Variants in PCDH11X observed in about 807,000 individuals in gnomAD.
PCDH11X encodes the protein protocadherin-11 X-linked.
In PCDH11X, 18 loss-of-function variants were observed where a neutral mutation model predicts 53.3. The ratio of observed to expected loss-of-function variants is 0.34; its 90% CI spans 0.23 to 0.50. PCDH11X has a LOEUF of 0.50. Ranked by LOEUF, PCDH11X falls within the 20% of genes least tolerant of loss-of-function variation. The pLI is 0.98. For missense variants in PCDH11X, 570 were observed against 1,032.4 expected (o/e 0.55, Z 6.14); for synonymous variants, 279 against 393.3 (o/e 0.71, Z 3.44).
chrX:92,262,298 A>G lies in PCDH11X; in HGVS notation c.3115-816A>G, dbSNP rs1382689757. Among the ~76,000 whole-genome samples the G allele has an allele frequency of 2.7e-5, 3 of 111,699 alleles. No homozygotes were observed. The East Asian group carries it at 8.4e-4, about 31-fold the overall frequency. On this transcript the variant is annotated intron_variant, in intron 7 of 10. Coordinates refer to ENST00000682573, the MANE Select transcript of PCDH11X (RefSeq NM_032968.5). ...GGAACTTTTGCATAACTGTAAAAAG[A>G]ACAGGGAATTAAGATAAAGATTGCG...
intron 9 of PCDH11X, among the ~76,000 whole-genome samples, chrX:92,436,214 T>C (rs2148629987): frequency 9.3e-6 from 1 of 107,124 alleles, no homozygotes; most frequent in East Asian, 2.9e-4. Context: ...CCAGCAGGCA[T>C]ATGAAAAAAA....
chrX:92,598,447 G>A (rs1197640392), intron 10 of PCDH11X, among the ~76,000 whole-genome samples: 1 of 109,996 alleles, frequency 9.1e-6, no homozygotes, highest in Non-Finnish European at 1.9e-5. Context: ...GCATATGAAA[G>A]TGTGCACAAT....
At chrX:92,007,404 A>G (rs185409563) in intron 6 of PCDH11X, among the ~76,000 whole-genome samples, 1,216 of 111,747 alleles carry the variant, frequency 0.011, 13 homozygotes, top group Non-Finnish European at 0.016. Context: ...TCAGGCCATG[A>G]GGTATACTGC....
At chrX:92,473,017 G>C (rs1231646976) in intron 10 of PCDH11X, among the ~76,000 whole-genome samples, 2 of 106,217 alleles carry the variant, frequency 1.9e-5, no homozygotes, top group African/African-American at 6.9e-5. Flanking sequence ...AAGCTTCGGG[G>C]CTGAAAAAAT....
chrX:92,601,905 C>A (rs2750676), intron 10 of PCDH11X, among the ~76,000 whole-genome samples: 1 of 111,662 alleles, frequency 9.0e-6, no homozygotes, highest in African/African-American at 3.3e-5. Context: ...GGATTTCTAA[C>A]TTCTAACAGG....
chrX:92,528,356 A>G (rs1423315875), intron 10 of PCDH11X, among the ~76,000 whole-genome samples: 1 of 111,736 alleles, frequency 8.9e-6, no homozygotes, highest in Non-Finnish European at 1.9e-5. Flanking sequence ...GCAATGGCGC[A>G]ATTTTGGCTT....
intron 10 of PCDH11X, among the ~76,000 whole-genome samples, chrX:92,520,728 A>G (rs2074358059): frequency 9.0e-6 from 1 of 111,058 alleles, no homozygotes; most frequent in African/African-American, 3.3e-5. Flanking sequence ...TACCCATTGT[A>G]GAACTTCATT....
chrX:91,887,331 A>C, intron 6 of PCDH11X, among the ~76,000 whole-genome samples: 1 of 111,219 alleles, frequency 9.0e-6, no homozygotes, highest in Non-Finnish European at 1.9e-5. Flanking sequence ...TGTTTATTTT[A>C]AATATGACTT....
At chrX:92,099,760 C>A (rs755458028) in intron 6 of PCDH11X, among the ~76,000 whole-genome samples, 1 of 111,357 alleles carries the variant, frequency 9.0e-6, no homozygotes, top group Non-Finnish European at 1.9e-5. Flanking sequence ...GCTATGTATC[C>A]TGCTGTCATT....
chrX:91,814,185 T>A (rs938950006), intron 4 of PCDH11X, among the ~76,000 whole-genome samples: 3 of 110,532 alleles, frequency 2.7e-5, no homozygotes, highest in Admixed American at 9.7e-5. Flanking sequence ...TAATTTATAC[T>A]TGTTCTTTAA....
intron 6 of PCDH11X, among the ~76,000 whole-genome samples, chrX:92,097,835 A>G (rs1473292689): frequency 1.8e-5 from 2 of 111,194 alleles, no homozygotes; most frequent in Admixed American, 9.7e-5. Flanking sequence ...TAGTATTTAC[A>G]TATAGTCTAC....
At chrX:91,946,558 CATATAT>C (rs766671132) in intron 6 of PCDH11X, among the ~76,000 whole-genome samples, 545 of 31,608 alleles carry the variant, frequency 0.017, 12 homozygotes, top group African/African-American at 0.029. Context: ...CTGTTTCCCT[CATATAT>C]ATATATATAT....
At chrX:92,038,214 C>A (rs894293242) in intron 6 of PCDH11X, among the ~76,000 whole-genome samples, 2 of 110,644 alleles carry the variant, frequency 1.8e-5, no homozygotes, top group African/African-American at 6.6e-5. Context: ...CAATGTTAAT[C>A]CCCAAGACAA....
At chrX:91,938,074 AT>A (rs202237580) in intron 6 of PCDH11X, among the ~76,000 whole-genome samples, 1,596 of 111,174 alleles carry the variant, frequency 0.014, 38 homozygotes, top group African/African-American at 0.05. Flanking sequence ...GGTAATAGCC[AT>A]GAATAAATAT....
intron 5 of PCDH11X, among the ~76,000 whole-genome samples, chrX:91,838,142 GCTT>G (rs1337296076): frequency 9.0e-6 from 1 of 111,707 alleles, no homozygotes; most frequent in Non-Finnish European, 1.9e-5. Flanking sequence ...CCTTAGGGCA[GCTT>G]AATGAACTTC....
intron 6 of PCDH11X, among the ~76,000 whole-genome samples, chrX:91,932,702 G>A (rs1168969829): frequency 4.2e-5 from 4 of 94,746 alleles, no homozygotes; most frequent in Non-Finnish European, 6.3e-5. Flanking sequence ...GTGTGTGTGC[G>A]CGCGCGCGCG....
chrX:92,116,172 A>G (rs754624921), intron 6 of PCDH11X, among the ~76,000 whole-genome samples: 1 of 112,447 alleles, frequency 8.9e-6, no homozygotes, highest in East Asian at 2.8e-4. Context: ...CTTGAAATAT[A>G]TTTTTAATTT....
At chrX:91,941,056 G>T (rs1330858845) in intron 6 of PCDH11X, among the ~76,000 whole-genome samples, 1 of 110,591 alleles carries the variant, frequency 9.0e-6, no homozygotes, top group Non-Finnish European at 1.9e-5. Context: ...ATAACTTAAG[G>T]AGTATAATTG....
chrX:91,980,966 T>TA (rs1481479045), intron 6 of PCDH11X, among the ~76,000 whole-genome samples: 2 of 90,249 alleles, frequency 2.2e-5, no homozygotes, highest in African/African-American at 8.7e-5. Flanking sequence ...TATATATATA[T>TA]ATATATACAC....
Sources: gnomAD v4.1 joint callset for allele counts (sites outside exome capture counted in the v4.1 genomes callset) on GRCh38, gnomAD v4.1.1 for gene constraint, MANE v1.5 for transcripts, NCBI Gene and HGNC (gene_info 2026-07-23, HGNC 2026-07-21) for gene names.